MAGI1: variants seen among roughly 807,000 people sequenced by gnomAD.
MAGI1 encodes membrane associated guanylate kinase, WW and PDZ domain containing 1.
MAGI1 carries 58 observed loss-of-function variants against 139.9 expected under a neutral mutation model. The ratio of observed to expected loss-of-function variants is 0.41; its 90% CI spans 0.34 to 0.52. The LOEUF (loss-of-function observed/expected upper bound fraction) is 0.52. Among genes scored for constraint, MAGI1 ranks in the 20% least tolerant of loss-of-function variants. MAGI1 has a pLI of 0.12. For synonymous variants in MAGI1, 812 were observed against 737.9 expected (o/e 1.10, Z -1.63); for missense variants, 1,874 against 1,901.6 (o/e 0.99, Z 0.27).
At chr3:65,713,466 C>A (rs1213085224) in intron 1 of MAGI1, among the ~76,000 whole-genome samples, 1 of 152,118 alleles carries the variant, frequency 6.6e-6, no homozygotes, top group Non-Finnish European at 1.5e-5. Flanking sequence ...GAAAGAAACT[C>A]TTTTATTACA....
chr3:65,643,073 CAGT>C (rs2107254099), intron 1 of MAGI1, among the ~76,000 whole-genome samples: 1 of 152,310 alleles, frequency 6.6e-6, no homozygotes, highest in South Asian at 2.1e-4. Flanking sequence ...TTGGCACCTC[CAGT>C]AAACACAGAG....
intron 1 of MAGI1, among the ~76,000 whole-genome samples, chr3:65,894,636 T>C (rs965603556): frequency 1.8e-4 from 28 of 152,346 alleles, no homozygotes; most frequent in African/African-American, 6.5e-4. Context: ...TCAGTAAGGA[T>C]AGTCCTTGAA....
intron 1 of MAGI1, among the ~76,000 whole-genome samples, chr3:65,833,196 G>A (rs1224555681): frequency 6.6e-6 from 1 of 151,812 alleles, no homozygotes; most frequent in Non-Finnish European, 1.5e-5. Flanking sequence ...TGGGGTCACT[G>A]CAACCTCCGT....
chr3:65,539,847 C>T (rs1330673116), intron 2 of MAGI1, among the ~76,000 whole-genome samples: 2 of 152,166 alleles, frequency 1.3e-5, no homozygotes, highest in Non-Finnish European at 2.9e-5. Context: ...GTGCATTTTC[C>T]TTCTTAGCCT....
chr3:65,548,234 T>C (rs74557991), intron 2 of MAGI1, among the ~76,000 whole-genome samples: 4,996 of 152,240 alleles, frequency 0.033, 121 homozygotes, highest in South Asian at 0.056. Context: ...CCATGGGGTA[T>C]TGGGGGCATC....
At chr3:65,490,945 T>C (rs773519622) in intron 3 of MAGI1, among the ~76,000 whole-genome samples, 1 of 150,818 alleles carries the variant, frequency 6.6e-6, no homozygotes, top group Middle Eastern at 3.5e-3. Flanking sequence ...GCTGTACAAA[T>C]GGGTTAGAAC....
chr3:65,770,658 G>A (rs1267479752), intron 1 of MAGI1, among the ~76,000 whole-genome samples: 3 of 152,080 alleles, frequency 2.0e-5, no homozygotes, highest in Non-Finnish European at 4.4e-5. Flanking sequence ...TTGCATATAG[G>A]CGTATCCTTT....
chr3:65,926,423 C>A (rs1459175535), intron 1 of MAGI1, among the ~76,000 whole-genome samples: 1 of 150,846 alleles, frequency 6.6e-6, no homozygotes, highest in Non-Finnish European at 1.5e-5. Context: ...CAGAGCAACT[C>A]CATCTTGAAA....
At chr3:65,760,689 G>A (rs1038147484) in intron 1 of MAGI1, among the ~76,000 whole-genome samples, 7 of 152,072 alleles carry the variant, frequency 4.6e-5, no homozygotes, top group Non-Finnish European at 8.8e-5. Flanking sequence ...TTACAGGCAC[G>A]AGCCACTGGC....
At chr3:65,454,558 A>AATAATAATAAT (rs368786306) in intron 5 of MAGI1, among the ~76,000 whole-genome samples, 5,862 of 140,464 alleles carry the variant, frequency 0.042, 207 homozygotes, top group African/African-American at 0.081. Flanking sequence ...ATAATAATAA[A>AATAATAATAAT]AAAATACTTG....
intron 1 of MAGI1, among the ~76,000 whole-genome samples, chr3:65,829,096 T>C (rs557794956): frequency 4.6e-5 from 7 of 152,350 alleles, no homozygotes; most frequent in African/African-American, 1.7e-4. Context: ...CACCTTGATT[T>C]TAGCCCAGTG....
chr3:65,824,623 C>T (rs1265624737), intron 1 of MAGI1, among the ~76,000 whole-genome samples: 1 of 152,224 alleles, frequency 6.6e-6, no homozygotes, highest in Admixed American at 6.5e-5. Flanking sequence ...CTCTTTCCAA[C>T]ATTAATGAAT....
At chr3:65,478,564 A>G in intron 4 of MAGI1, 28 bp downstream of exon 4, 3 of 1,604,220 alleles carry the variant, frequency 1.9e-6, no homozygotes, top group Non-Finnish European at 2.6e-6. Context: ...CCCCAGGTCC[A>G]TTGAGGGCAA....
chr3:65,407,216 G>GC (rs1329063990), intron 12 of MAGI1, among the ~76,000 whole-genome samples: 1 of 152,114 alleles, frequency 6.6e-6, no homozygotes, highest in African/African-American at 2.4e-5. Context: ...GGAGGCTGAG[G>GC]CAAGTGGATC....
At chr3:65,504,456 T>G (rs375185372) in intron 2 of MAGI1, among the ~76,000 whole-genome samples, 1 of 152,232 alleles carries the variant, frequency 6.6e-6, no homozygotes, top group Admixed American at 6.5e-5. Context: ...ATTATGTGAC[T>G]TGCCAAGAAT....
chr3:65,645,925 T>C (rs563766272), intron 1 of MAGI1, among the ~76,000 whole-genome samples: 18 of 151,580 alleles, frequency 1.2e-4, no homozygotes, highest in East Asian at 3.9e-4. Context: ...AAAAACATTA[T>C]AGATAAATCA....
intron 6 of MAGI1, among the ~76,000 whole-genome samples, chr3:65,450,976 C>T (rs139347776): frequency 9.2e-4 from 140 of 152,226 alleles, no homozygotes; most frequent in African/African-American, 3.2e-3. Flanking sequence ...TATATTTATA[C>T]TGTTTGTGTG....
chr3:65,797,705 G>C (rs2040238124), intron 1 of MAGI1, among the ~76,000 whole-genome samples: 1 of 152,012 alleles, frequency 6.6e-6, no homozygotes, highest in Admixed American at 6.6e-5. Context: ...AACACAGTGA[G>C]ACCCAGTCTC....
At chr3:65,717,906 G>A (rs1386168165) in intron 1 of MAGI1, among the ~76,000 whole-genome samples, 1 of 152,192 alleles carries the variant, frequency 6.6e-6, no homozygotes, top group East Asian at 1.9e-4. Context: ...TAAACCTACT[G>A]TAATAGCAGA....
Sources: gnomAD v4.1 joint callset for allele counts (sites outside exome capture counted in the v4.1 genomes callset) on GRCh38, gnomAD v4.1.1 for gene constraint, MANE v1.5 for transcripts, NCBI Gene and HGNC (gene_info 2026-07-23, HGNC 2026-07-21) for gene names.